Variants in QRICH1 observed in about 807,000 individuals in gnomAD.
QRICH1 encodes transcriptional regulator QRICH1.
In QRICH1, 16 loss-of-function variants were observed where a neutral mutation model predicts 87.1. The ratio of observed to expected loss-of-function variants is 0.18; its 90% CI spans 0.12 to 0.28. The LOEUF (loss-of-function observed/expected upper bound fraction) is 0.28, where lower values mean the gene tolerates loss of function less well. Among genes scored for constraint, QRICH1 ranks in the 10% least tolerant of loss-of-function variants. The pLI, the probability that QRICH1 is intolerant of heterozygous loss-of-function variation, is 1.00. For missense variants in QRICH1, 647 were observed against 951.7 expected, an observed-to-expected ratio of 0.68 and a Z score of 4.21; for synonymous variants, 367 against 368.4, an observed-to-expected ratio of 1.00 and a Z score of 0.05.
rs1192119135 is a variant in QRICH1, at chr3:49,030,172, C to T, written c.*280G>A. 3.9e-6 allele frequency: 2 copies of T among 507,984 alleles called. No homozygotes were observed. The highest frequency in any genetic ancestry group is 3.3e-5 in the East Asian group (1 of 30,120). The allele number at this position is 507,984 out of a possible 1,614,324, so 31.5% of individuals were successfully genotyped here. A position where few individuals can be genotyped will look rare whatever the true frequency, so the allele number is the denominator to read the frequency against. Reference sequence around the variant, plus strand: ...TTTCTTTTCACAGTCCAAGCCCTTTCCCCAGGCCCCAGACAAAAAAGAGTC... The same window carrying T: ...TTTCTTTTCACAGTCCAAGCCCTTTTCCCAGGCCCCAGACAAAAAAGAGTC... On this transcript the variant is annotated 3_prime_UTR_variant, in exon 10 of 10. Transcript: ENST00000395443.
At chr3:49,059,721 CTTAT>C (rs954900448) in intron 2 of QRICH1, among the ~76,000 whole-genome samples, 8 of 150,004 alleles carry the variant, frequency 5.3e-5, no homozygotes, top group South Asian at 2.1e-4. Flanking sequence ...CATGCCTAGC[CTTAT>C]TTATTTATTT....
Position 49,094,031 on chromosome 3 carries a change from G to A in QRICH1, c.-141C>T, listed in dbSNP as rs1486810587. The A allele has an allele frequency of 3.0e-5, 12 of 398,730 alleles. No homozygotes were observed. The Admixed American group carries it at 3.1e-4, about 10-fold the overall frequency. The allele number at this position is 398,730 out of a possible 1,614,324, so 24.7% of individuals were successfully genotyped here. A position where few individuals can be genotyped will look rare whatever the true frequency, so the allele number is the denominator to read the frequency against. On this transcript the variant is annotated 5_prime_UTR_variant, in exon 1 of 10. Coordinates refer to ENST00000395443, the MANE Select transcript of QRICH1 (RefSeq NM_198880.3). Reference sequence around the variant, plus strand: ...AGACCGACAGGGTTTTCTCCTCACAGCTCCCTGGGCGCCATCTTACATTCA... The same window carrying A: ...AGACCGACAGGGTTTTCTCCTCACAACTCCCTGGGCGCCATCTTACATTCA...
At chr3:49,031,290 ATGT>A (rs1232920180) in intron 9 of QRICH1, among the ~76,000 whole-genome samples, 1 of 152,042 alleles carries the variant, frequency 6.6e-6, no homozygotes, top group African/African-American at 2.4e-5. Context: ...GCCCAGCCTC[ATGT>A]TGTGTTTTCT....
chr3:49,058,040 G>GT (rs2093413511), intron 2 of QRICH1, 150 bp from the exon 3 acceptor site: 2 of 1,347,126 alleles, frequency 1.5e-6, no homozygotes, highest in East Asian at 2.5e-5. Flanking sequence ...GACACAATAC[G>GT]TAAGACTAGA....
rs1413419525 is a variant in QRICH1, at chr3:49,044,267, G to C, written c.1786+123C>G. The C allele has an allele frequency of 1.7e-5, 13 of 761,426 alleles. No homozygotes were observed. In the South Asian group the frequency reaches 1.9e-4, roughly 11 times the overall value. The allele number at this position is 761,426 out of a possible 1,614,324, so 47.2% of individuals were successfully genotyped here. A position where few individuals can be genotyped will look rare whatever the true frequency, so the allele number is the denominator to read the frequency against. On this transcript the variant is annotated intron_variant, in intron 6 of 9. Transcript: ENST00000395443. The stretch of plus-strand genomic sequence containing the variant: ...CAGGGCAAGTAGCACAGTGGCCAAT[G>C]CTGCTGCAGTCTGGGATTTATATCC...
chr3:49,076,719 T>G lies in QRICH1; in HGVS notation c.299A>C (p.Gln100Pro). The G allele has an allele frequency of 6.4e-7, 1 of 1,573,692 alleles. No individual in the cohort carries two copies. ...QEQQIQVQQP[Q>P]QVQVQVQVQQ... ...GCATTTCCCATATACCTGAACCTGC[T>G]GCGGCTGCTGAACCTGGATCTGCTG... The change falls in exon 2 of 10, where the codon CAG (glutamine) becomes CCG (proline). Residue 100 changes from glutamine (Q) to proline (P), a missense_variant. This residue lies in a region of QRICH1 where 156 missense variants were observed against 164.5 expected (regional missense o/e 0.95). Transcript: ENST00000395443.
At chr3:49,089,043 G>A (rs1310332917) in intron 1 of QRICH1, among the ~76,000 whole-genome samples, 3 of 151,636 alleles carry the variant, frequency 2.0e-5, no homozygotes, top group Non-Finnish European at 4.4e-5. Context: ...TTTCATCACG[G>A]TTCTATTTTC....
At chr3:49,040,766 C>T (rs2093305318) in intron 6 of QRICH1, among the ~76,000 whole-genome samples, 1 of 152,180 alleles carries the variant, frequency 6.6e-6, no homozygotes, top group Non-Finnish European at 1.5e-5. Context: ...CATAAGGCAA[C>T]AATGTTTACT....
At position 49,093,929 on chromosome 3, in the gene QRICH1, GCCGCCGCCGCCGCCTCCGCTGCAC is replaced by G; in HGVS notation, c.-63_-40del. 1 of 310,844 alleles carries G rather than the reference GCCGCCGCCGCCGCCTCCGCTGCAC, an allele frequency of 3.2e-6. No homozygotes were observed. The highest frequency in any genetic ancestry group is 5.8e-6 in the Non-Finnish European group (1 of 172,782). The allele number at this position is 310,844 out of a possible 1,614,324, so 19.3% of individuals were successfully genotyped here. A position where few individuals can be genotyped will look rare whatever the true frequency, so the allele number is the denominator to read the frequency against. ...GCCCTCACCCGGCGACGTCACTGCC[GCCGCCGCCGCCGCCTCCGCTGCAC>G]CCGCCGGCCCCGCCGCACCGCCAGG... On this transcript the variant is annotated 5_prime_UTR_variant, in exon 1 of 10. Coordinates refer to ENST00000395443, the MANE Select transcript of QRICH1 (RefSeq NM_198880.3).
intron 5 of QRICH1, 77 bp from the exon 6 acceptor site, chr3:49,044,581 TA>T: frequency 9.6e-7 from 1 of 1,038,222 alleles, no homozygotes; most frequent in East Asian, 2.5e-5. Flanking sequence ...TATATTTTTC[TA>T]CCAGTACTAC....
chr3:49,049,744 T>A (rs1008551403), intron 3 of QRICH1, among the ~76,000 whole-genome samples: 24 of 151,360 alleles, frequency 1.6e-4, no homozygotes, highest in African/African-American at 5.8e-4. Context: ...GTGATCCGTC[T>A]GCCTTGGCCT....
rs765845764 is a variant in QRICH1, at chr3:49,030,657, C to T, written c.2139-13G>A. ...CACACTCTGGGGGCTGAAGAATATGCGGATAAAAGTTGGGTACCACCAATA... is the reference window on the plus strand; with the variant it reads ...CACACTCTGGGGGCTGAAGAATATGTGGATAAAAGTTGGGTACCACCAATA... On this transcript the variant is annotated splice_polypyrimidine_tract_variant and intron_variant, in intron 9 of 9. Coordinates refer to ENST00000395443, the MANE Select transcript of QRICH1 (RefSeq NM_198880.3). The T allele has an allele frequency of 2.7e-5, 41 of 1,537,600 alleles. No homozygotes were observed. The highest frequency in any genetic ancestry group is 3.5e-4 in the Middle Eastern group (2 of 5,714).
intron 1 of QRICH1, among the ~76,000 whole-genome samples, chr3:49,092,032 C>G (rs1398899360): frequency 6.6e-6 from 1 of 151,624 alleles, no homozygotes; most frequent in African/African-American, 2.4e-5. Flanking sequence ...AGATCACACC[C>G]CTGCACTCCA....
rs1252136525 is a variant in QRICH1, at chr3:49,076,960, G to T, written c.58C>A (p.Arg20=). The T allele has an allele frequency of 6.3e-7, 1 of 1,592,630 alleles. No individual in the cohort carries two copies. The highest frequency in any genetic ancestry group is 8.6e-7 in the Non-Finnish European group (1 of 1,166,202). Residue 20 remains arginine (R), a synonymous_variant, in exon 2 of 10, where the codon CGG becomes AGG. Transcript: ENST00000395443. ...SFEEYIRVKA[R]SVPQHRMKEF... is the part of the protein sequence containing the mutation. Reference sequence around the variant, plus strand: ...TTCATCCTGTGTTGCGGGACAGACCGTGCCTTTACTCGGATGTACTCTTCA... The same window carrying T: ...TTCATCCTGTGTTGCGGGACAGACCTTGCCTTTACTCGGATGTACTCTTCA...
chr3:49,089,839 T>G (rs1012180159), intron 1 of QRICH1, among the ~76,000 whole-genome samples: 6 of 152,228 alleles, frequency 3.9e-5, no homozygotes, highest in Admixed American at 1.3e-4. Context: ...ATAACAGCTG[T>G]CTGTACGGCT....
chr3:49,034,858 C>A (rs1008274489), intron 6 of QRICH1, among the ~76,000 whole-genome samples: 3 of 152,146 alleles, frequency 2.0e-5, no homozygotes, highest in Admixed American at 1.3e-4. Flanking sequence ...TAGGAGCAGG[C>A]AACAGTATTC....
chr3:49,073,225 G>A (rs1200332820), intron 2 of QRICH1, among the ~76,000 whole-genome samples: 1 of 152,096 alleles, frequency 6.6e-6, no homozygotes, highest in Non-Finnish European at 1.5e-5. Flanking sequence ...TGCAACTAGA[G>A]GAGCCTGTTA....
chr3:49,079,910 T>C (rs926150968), intron 1 of QRICH1, among the ~76,000 whole-genome samples: 1 of 151,804 alleles, frequency 6.6e-6, no homozygotes, highest in African/African-American at 2.4e-5. Flanking sequence ...GCACCTGTAA[T>C]ACCAGCTACT....
At chr3:49,031,800 G>A (rs1312616446) in intron 9 of QRICH1, among the ~76,000 whole-genome samples, 1 of 152,214 alleles carries the variant, frequency 6.6e-6, no homozygotes, top group African/African-American at 2.4e-5. Context: ...ACTATGTAAT[G>A]AGAAACCATT....
Sources: gnomAD v4.1 joint callset for allele counts (sites outside exome capture counted in the v4.1 genomes callset) on GRCh38, gnomAD v4.1.1 for gene constraint, gnomAD v4.1.1 regional missense constraint, MANE v1.5 for transcripts, NCBI Gene and HGNC (gene_info 2026-07-23, HGNC 2026-07-21) for gene names.